The following CLCN1 variants were observed in gnomAD, a reference collection of about 807,000 sequenced individuals.
The protein encoded by CLCN1 is chloride channel protein 1.
Under a neutral mutation model 114.5 loss-of-function variants are expected in CLCN1, and 100 were observed. The ratio of observed to expected loss-of-function variants is 0.87; its 90% CI spans 0.74 to 1.03. The LOEUF (loss-of-function observed/expected upper bound fraction) is 1.03, where lower values mean the gene tolerates loss of function less well. CLCN1 is among the 50% of genes least tolerant of loss of function. The pLI, the probability that CLCN1 is intolerant of heterozygous loss-of-function variation, is 0.00. For missense variants in CLCN1, 1,188 were observed against 1,250.0 expected (o/e 0.95, Z 0.75); for synonymous variants, 485 against 487.1 (o/e 1.00, Z 0.06).
chr7:143,329,662 G>A (rs577474740), intron 7 of CLCN1, among the ~76,000 whole-genome samples: 1 of 152,314 alleles, frequency 6.6e-6, no homozygotes, highest in East Asian at 1.9e-4. Flanking sequence ...CGTTCACCCT[G>A]TTCACATGGA....
chr7:143,333,162 A>G (rs1390806178), intron 12 of CLCN1, among the ~76,000 whole-genome samples: 1 of 152,114 alleles, frequency 6.6e-6, no homozygotes. Flanking sequence ...TTAGCCAGGC[A>G]TGGTGGCGCA....
At position 143,351,962 on chromosome 7, in the gene CLCN1, T is replaced by C; in HGVS notation, c.2964T>C (p.Leu988=). ...TDEEDEDELI[L] Reference sequence around the variant, plus strand: ...AGGAGGATGAGGATGAACTGATCCTTTGACCCCCTCCCACGACCTCCTCAT... The same window carrying C: ...AGGAGGATGAGGATGAACTGATCCTCTGACCCCCTCCCACGACCTCCTCAT... Residue 988 remains leucine, a synonymous_variant, in exon 23 of 23, where the codon CTT becomes CTC. Transcript: ENST00000343257. 6.2e-7 allele frequency: 1 copy of C among 1,612,526 alleles called. No individual in the cohort carries two copies. The highest frequency in any genetic ancestry group is 8.5e-7 in the Non-Finnish European group (1 of 1,180,004).
chr7:143,322,799 G>A (rs185154039), intron 5 of CLCN1, among the ~76,000 whole-genome samples: 77 of 152,364 alleles, frequency 5.1e-4, no homozygotes, highest in Non-Finnish European at 8.8e-4. Context: ...GGGATTACAG[G>A]CGTGCGCCAC....
intron 19 of CLCN1, 117 bp from the exon 20 acceptor site, chr7:143,346,794 A>G: frequency 8.3e-7 from 1 of 1,202,122 alleles, no homozygotes; most frequent in South Asian, 1.2e-5. Flanking sequence ...GGGATGATGA[A>G]TGAAAAGGAG....
In CLCN1 at chr7:143,345,193, A is replaced by C. The variant is rs532407538; in HGVS notation, c.1931-328A>C. Among the ~76,000 whole-genome samples, 18 of 152,268 alleles carry C rather than the reference A, an allele frequency of 1.2e-4. No individual in the cohort carries two copies. The South Asian group carries it at 3.5e-3, about 30-fold the overall frequency. ...TCTCAGCTTATTTGAATGGCTTCTC[A>C]TGTTTCTTTTTATTTGGACAGCATT... is the stretch of plus-strand genomic sequence containing the variant. On this transcript the variant is annotated intron_variant, in intron 16 of 22. Coordinates refer to ENST00000343257, the MANE Select transcript of CLCN1 (RefSeq NM_000083.3).
rs869078445 is a variant in CLCN1, at chr7:143,337,807, C to CTTTTTTTTTTTTTTTTTTTTTTTTTTT, written c.1402-1435_1402-1409dup. Among the ~76,000 whole-genome samples, 5 of 46,046 alleles carry CTTTTTTTTTTTTTTTTTTTTTTTTTTT rather than the reference C, an allele frequency of 1.1e-4. 2 individuals carry two copies. The highest frequency in any genetic ancestry group is 1.6e-4 in the African/African-American group (2 of 12,722). 30.2% of individuals were successfully genotyped at this position (46,046 alleles called of 152,430 possible). ...CTTTTTTCCATTCTATTTCTCAATT[C>CTTTTTTTTTTTTTTTTTTTTTTTTTTT]TTTTTTTTTTTTTTTTTTTTTTTTT... is the stretch of plus-strand genomic sequence containing the variant. On this transcript the variant is annotated intron_variant, in intron 12 of 22. Coordinates refer to ENST00000343257, the MANE Select transcript of CLCN1 (RefSeq NM_000083.3).
rs1802809630 is a variant in CLCN1 at position 143,334,230 on chromosome 7, T to C, written c.1401+1357T>C. ...CTCCTCAAGAAAAAAAAAAAAATTA[T>C]TGATTGCCCTTTTTTTTCTTTTGTG... On this transcript the variant is annotated intron_variant, in intron 12 of 22. Transcript: ENST00000343257. Among the ~76,000 whole-genome samples the C allele has an allele frequency of 2.0e-5, 3 of 151,858 alleles. No individual in the cohort carries two copies. In the South Asian group the frequency reaches 6.2e-4, roughly 32 times the overall value.
intron 7 of CLCN1, 90 bp from the exon 8 acceptor site, chr7:143,330,682 A>T: frequency 6.4e-6 from 10 of 1,570,478 alleles, no homozygotes; most frequent in Non-Finnish European, 8.7e-6. Flanking sequence ...TTCATGTTTC[A>T]GCAAAAGCTC....
intron 22 of CLCN1, among the ~76,000 whole-genome samples, chr7:143,351,122 C>A (rs10233455): frequency 0.076 from 11,539 of 152,162 alleles, 794 homozygotes; most frequent in African/African-American, 0.18. Flanking sequence ...GTAGAGCAAG[C>A]AGCCAGCTGA....
intron 7 of CLCN1, among the ~76,000 whole-genome samples, chr7:143,328,427 T>G (rs1802631794): frequency 6.6e-6 from 1 of 152,152 alleles, no homozygotes; most frequent in Admixed American, 6.6e-5. Context: ...CTGTTTTTGT[T>G]TTTAATGCTT....
rs750338574 is a variant in CLCN1, at chr7:143,352,048, T to G, written c.*83T>G. 1.3e-6 allele frequency: 2 copies of G among 1,575,302 alleles called. No individual in the cohort carries two copies. The highest frequency in any genetic ancestry group is 1.7e-6 in the Non-Finnish European group (2 of 1,147,504). On this transcript the variant is annotated 3_prime_UTR_variant, in exon 23 of 23. Transcript: ENST00000343257. Reference sequence around the variant, plus strand: ...TGTGTGGGGCAGGGTGCGTCCTGAATGTGGCGAGGTCATGCCAATGTCGTG... The same window carrying G: ...TGTGTGGGGCAGGGTGCGTCCTGAAGGTGGCGAGGTCATGCCAATGTCGTG...
chr7:143,339,284 C>A lies in CLCN1; in HGVS notation c.1433C>A (p.Pro478His). The A allele has an allele frequency of 6.2e-7, 1 of 1,613,388 alleles. No homozygotes were observed. Among genetic ancestry groups the A allele is most frequent in the Non-Finnish European group, 8.5e-7 (1 of 1,179,298 alleles). Residue 478 changes from proline to histidine, a missense_variant, in exon 13 of 23, where the codon CCC (proline) becomes CAC (histidine). Physicochemically the swap from Pro to His is moderately conservative, Grantham distance 77. Coordinates refer to ENST00000343257, the MANE Select transcript of CLCN1 (RefSeq NM_000083.3). The surrounding 1 kb of genome is among the most constrained non-coding windows in gnomAD (Gnocchi z 4.1). ...ATGTCCATCGTGGCCACCACTATGC[C>A]CATACCCTGCGGAGGCTTCATGCCT... ...FWMSIVATTM[P>H]IPCGGFMPVF...
chr7:143,322,937 ACT>A (rs1471879748), intron 5 of CLCN1, among the ~76,000 whole-genome samples: 4 of 151,768 alleles, frequency 2.6e-5, no homozygotes, highest in African/African-American at 9.7e-5. Flanking sequence ...TCCCTCAGTC[ACT>A]CTGCCCTGGG....
chr7:143,338,390 G>A (rs1802972174), intron 12 of CLCN1, among the ~76,000 whole-genome samples: 1 of 151,798 alleles, frequency 6.6e-6, no homozygotes, highest in African/African-American at 2.4e-5. Context: ...TTCTCTCCAG[G>A]TTCTACTGTG....
chr7:143,338,593 C>G (rs543231348), intron 12 of CLCN1, among the ~76,000 whole-genome samples: 2 of 152,080 alleles, frequency 1.3e-5, no homozygotes, highest in South Asian at 4.2e-4. Context: ...CAAGACCAGC[C>G]GGGGCAACAT....
At chr7:143,333,720 T>C (rs1038070365) in intron 12 of CLCN1, among the ~76,000 whole-genome samples, 32 of 152,334 alleles carry the variant, frequency 2.1e-4, no homozygotes, top group African/African-American at 7.5e-4. Flanking sequence ...TTATTCTCTA[T>C]TTAGGTGATG....
At chr7:143,316,968 G>A (rs1037365496) in intron 1 of CLCN1, among the ~76,000 whole-genome samples, 1 of 152,194 alleles carries the variant, frequency 6.6e-6, no homozygotes, top group Non-Finnish European at 1.5e-5. Flanking sequence ...AACCTATTAA[G>A]TGTTAGGCAC....
intron 17 of CLCN1, 101 bp downstream of exon 17, chr7:143,345,863 C>T (rs1193441829): frequency 2.0e-6 from 3 of 1,495,466 alleles, no homozygotes; most frequent in South Asian, 1.2e-5. Flanking sequence ...GCGTAGTTTC[C>T]CTGAAAGTAG....
At chr7:143,345,458 C>G (rs1803203693) in intron 16 of CLCN1, 63 bp from the exon 17 acceptor site, 4 of 1,457,216 alleles carry the variant, frequency 2.7e-6, no homozygotes, top group Admixed American at 2.5e-5. Context: ...CTCAGGAGTG[C>G]GGAGCGCGGT....
Sources: gnomAD v4.1 joint callset for allele counts (sites outside exome capture counted in the v4.1 genomes callset) on GRCh38, gnomAD v4.1.1 for gene constraint, Gnocchi (gnomAD v3.1) non-coding constraint, MANE v1.5 for transcripts, NCBI Gene and HGNC (gene_info 2026-07-23, HGNC 2026-07-21) for gene names.